The following LAMA2 variants were observed in gnomAD, a reference collection of about 807,000 sequenced individuals.
LAMA2 encodes the protein laminin subunit alpha 2.
LAMA2 carries 269 observed loss-of-function variants against 364.8 expected under a neutral mutation model. The ratio of observed to expected loss-of-function variants is 0.74; its 90% CI spans 0.67 to 0.82. The LOEUF (loss-of-function observed/expected upper bound fraction) is 0.82. Among genes scored for constraint, LAMA2 ranks in the 40% least tolerant of loss-of-function variants. The pLI is 0.00. For synonymous variants in LAMA2, 1,379 were observed against 1,370.6 expected (o/e 1.01, Z -0.14); for missense variants, 3,807 against 3,873.2 (o/e 0.98, Z 0.45).
chr6:129,219,805 C>T (rs531570160), intron 12 of LAMA2, among the ~76,000 whole-genome samples: 199 of 109,178 alleles, frequency 1.8e-3, no homozygotes, highest in African/African-American at 6.6e-3. Context: ...GGAAGGGGAA[C>T]ATCACACTCT....
Position 128,962,139 on chromosome 6 carries a change from CATATATATATATAT to C in LAMA2, c.112+78816_112+78829del, listed in dbSNP as rs55906092. 9.0e-3 allele frequency among the ~76,000 whole-genome samples: 342 copies of C among 38,096 alleles called. 4 individuals carry two copies. Among genetic ancestry groups the C allele is most frequent in the Middle Eastern group, 0.056 (3 of 54 alleles). 25.0% of individuals were successfully genotyped at this position (38,096 alleles called of 152,430 possible). On this transcript the variant is annotated intron_variant, in intron 1 of 64. Transcript: ENST00000421865. ...TCTTTTCTGATGTCATCCTCTGGAC[CATATATATATATAT>C]ATATATATATATATATATATATATA... is the stretch of plus-strand genomic sequence containing the variant.
intron 1 of LAMA2, among the ~76,000 whole-genome samples, chr6:128,923,927 C>G (rs967198464): frequency 6.6e-6 from 1 of 152,088 alleles, no homozygotes; most frequent in African/African-American, 2.4e-5. Context: ...GAGCTGGCAC[C>G]TAGGTCTTCA....
chr6:128,891,751 G>C (rs914482461), intron 1 of LAMA2, among the ~76,000 whole-genome samples: 2 of 152,034 alleles, frequency 1.3e-5, no homozygotes, highest in Admixed American at 6.6e-5. Flanking sequence ...AAACACACAA[G>C]TATTTGAATT....
intron 1 of LAMA2, among the ~76,000 whole-genome samples, chr6:129,044,338 C>CA (rs1209496158): frequency 1.3e-5 from 2 of 151,800 alleles, no homozygotes; most frequent in African/African-American, 2.4e-5. Flanking sequence ...CATTTGAAAC[C>CA]AAAAAGTGGG....
At chr6:128,995,489 C>CT (rs1783874032) in intron 1 of LAMA2, among the ~76,000 whole-genome samples, 2 of 151,934 alleles carry the variant, frequency 1.3e-5, no homozygotes, top group Admixed American at 6.6e-5. Context: ...GCCTGGATAA[C>CT]TTTTTTGTAT....
intron 1 of LAMA2, among the ~76,000 whole-genome samples, chr6:128,926,631 T>A (rs1779116982): frequency 6.6e-6 from 1 of 152,198 alleles, no homozygotes; most frequent in African/African-American, 2.4e-5. Context: ...TAATATTATG[T>A]CTTGGTTAAT....
At chr6:129,353,735 T>C (rs1562487221) in intron 32 of LAMA2, among the ~76,000 whole-genome samples, 1 of 152,206 alleles carries the variant, frequency 6.6e-6, no homozygotes, top group Non-Finnish European at 1.5e-5. Flanking sequence ...CCTCCTGAAT[T>C]TGTAATCGAC....
intron 3 of LAMA2, among the ~76,000 whole-genome samples, chr6:129,082,569 A>C (rs1438742384): frequency 6.6e-6 from 1 of 152,098 alleles, no homozygotes; most frequent in Non-Finnish European, 1.5e-5. Flanking sequence ...CATAAAGTAT[A>C]TTATATTCTG....
intron 62 of LAMA2, 48 bp downstream of exon 62, chr6:129,507,690 TACTA>T (rs773475482): frequency 6.4e-7 from 1 of 1,570,298 alleles, no homozygotes; most frequent in African/African-American, 1.3e-5. Flanking sequence ...TAGATACAAA[TACTA>T]ACTTCTTGCT....
intron 9 of LAMA2, among the ~76,000 whole-genome samples, 183 bp from the exon 10 acceptor site, chr6:129,177,523 G>A (rs568314778): frequency 2.4e-4 from 36 of 152,162 alleles, no homozygotes; most frequent in African/African-American, 8.7e-4. Flanking sequence ...CTATGTTCAC[G>A]TAATCATAGA....
intron 29 of LAMA2, among the ~76,000 whole-genome samples, chr6:129,329,731 T>C (rs1775518772): frequency 6.6e-6 from 1 of 152,188 alleles, no homozygotes; most frequent in Non-Finnish European, 1.5e-5. Flanking sequence ...GTTTTCCTGC[T>C]CCTCGCTGCC....
At chr6:129,181,736 A>C (rs1780940702) in intron 10 of LAMA2, among the ~76,000 whole-genome samples, 1 of 151,908 alleles carries the variant, frequency 6.6e-6, no homozygotes, top group South Asian at 2.1e-4. Flanking sequence ...GTTTAGCAGA[A>C]GTTGCCAAAG....
Position 129,491,933 on chromosome 6 carries a change from G to C in LAMA2, c.7931G>C (p.Arg2644Thr). 3 of 1,613,706 alleles carry C rather than the reference G, an allele frequency of 1.9e-6. No individual in the cohort carries two copies. The highest frequency in any genetic ancestry group is 2.5e-6 in the Non-Finnish European group (3 of 1,179,634). ...IFTVQVDENR[R>T]YMQNLTVEQP... ...ACAGTTCAAGTGGATGAAAACAGAA[G>C]ATACATGCAAAACCTGACAGTTGAA... The change falls in exon 57 of 65, where the codon AGA becomes ACA. Residue 2644 changes from arginine (R) to threonine (T), a missense_variant. Coordinates refer to ENST00000421865, the MANE Select transcript of LAMA2 (RefSeq NM_000426.4).
intron 4 of LAMA2, among the ~76,000 whole-genome samples, chr6:129,106,389 G>A (rs1195323107): frequency 6.6e-6 from 1 of 152,068 alleles, no homozygotes; most frequent in Admixed American, 6.5e-5. Flanking sequence ...ACATGATTTT[G>A]CATGTGAGTT....
intron 1 of LAMA2, among the ~76,000 whole-genome samples, chr6:128,900,419 C>T (rs1777017408): frequency 6.6e-6 from 1 of 151,924 alleles, no homozygotes; most frequent in South Asian, 2.1e-4. Flanking sequence ...AGCATGGTCA[C>T]AGTAAAGATT....
At chr6:129,235,780 T>C (rs1351152685) in intron 12 of LAMA2, among the ~76,000 whole-genome samples, 1 of 152,204 alleles carries the variant, frequency 6.6e-6, no homozygotes, top group Non-Finnish European at 1.5e-5. Flanking sequence ...CTTTGGCCAT[T>C]GTTTTCTTTT....
At chr6:129,162,717 A>C (rs181883514) in intron 8 of LAMA2, among the ~76,000 whole-genome samples, 1 of 152,192 alleles carries the variant, frequency 6.6e-6, no homozygotes, top group Admixed American at 6.5e-5. Context: ...TGATTTCAAA[A>C]ATTTTTTTAT....
chr6:129,105,969 C>T (rs1207728746), intron 4 of LAMA2, among the ~76,000 whole-genome samples: 1 of 152,056 alleles, frequency 6.6e-6, no homozygotes, highest in Non-Finnish European at 1.5e-5. Context: ...AGTGATTTTG[C>T]TTCCATTTCC....
chr6:129,429,069 C>G (rs539971177), intron 41 of LAMA2, among the ~76,000 whole-genome samples: 1 of 152,122 alleles, frequency 6.6e-6, no homozygotes, highest in Non-Finnish European at 1.5e-5. Flanking sequence ...TTGGAATGCC[C>G]CATCCTTCAC....
Sources: allele counts gnomAD v4.1 joint callset (sites outside exome capture counted in the v4.1 genomes callset), GRCh38; gene constraint gnomAD v4.1.1; transcripts MANE v1.5; gene names NCBI Gene and HGNC (gene_info 2026-07-23, HGNC 2026-07-21).